The following MAP3K7 variants were observed in gnomAD, a reference collection of about 807,000 sequenced individuals.
The protein encoded by MAP3K7 is mitogen-activated protein kinase kinase kinase 7, also known as TGF-beta activated kinase 1.
A neutral mutation model predicts 84.8 loss-of-function variants in MAP3K7; 21 were observed. The observed-to-expected ratio is 0.25, with a 90% CI of 0.18 to 0.36. The LOEUF is 0.36. Among genes scored for constraint, MAP3K7 ranks in the 10% least tolerant of loss-of-function variants. The probability of loss-of-function intolerance (pLI) is 1.00; values close to 1 mark genes in which losing one functional copy is unlikely to be tolerated. For synonymous variants in MAP3K7, 241 were observed against 247.7 expected (o/e 0.97, Z 0.25); for missense variants, 503 against 747.7 (o/e 0.67, Z 3.82).
chr6:90,566,272 T>C (rs1204619983), intron 3 of MAP3K7, among the ~76,000 whole-genome samples: 2 of 152,160 alleles, frequency 1.3e-5, no homozygotes, highest in Non-Finnish European at 2.9e-5. Context: ...GGAAGTCAAA[T>C]TGTCCGTTTG....
intron 1 of MAP3K7, among the ~76,000 whole-genome samples, chr6:90,580,640 G>GT (rs1187347742): frequency 6.6e-6 from 1 of 152,090 alleles, no homozygotes; most frequent in Non-Finnish European, 1.5e-5. Context: ...TTAAATGACT[G>GT]TTTTTTCCCC....
chr6:90,527,243 G>A (rs1189498501), intron 13 of MAP3K7, among the ~76,000 whole-genome samples: 6 of 151,984 alleles, frequency 3.9e-5, no homozygotes, highest in African/African-American at 1.4e-4. Flanking sequence ...TTCCATGTAT[G>A]AGAAGAGAAT....
intron 13 of MAP3K7, among the ~76,000 whole-genome samples, chr6:90,531,151 C>A (rs1291089112): frequency 6.6e-6 from 1 of 151,994 alleles, no homozygotes; most frequent in Non-Finnish European, 1.5e-5. Flanking sequence ...TAGACATGAA[C>A]CAGAATTGGC....
At chr6:90,552,836 A>C (rs1776223295) in intron 7 of MAP3K7, among the ~76,000 whole-genome samples, 1 of 152,234 alleles carries the variant, frequency 6.6e-6, no homozygotes. Context: ...AGTCAATATG[A>C]CTTAAGATAT....
intron 4 of MAP3K7, among the ~76,000 whole-genome samples, chr6:90,561,353 A>T (rs1776508441): frequency 6.6e-6 from 1 of 152,142 alleles, no homozygotes. Context: ...GATATTTTAA[A>T]ATCTATTTAA....
intron 9 of MAP3K7, 61 bp from the exon 10 acceptor site, chr6:90,548,238 T>A (rs1776068555): frequency 7.0e-7 from 1 of 1,419,220 alleles, no homozygotes; most frequent in East Asian, 2.4e-5. Context: ...CTTCACTTGG[T>A]ATTATGTAAC....
In MAP3K7 at chr6:90,541,558, G is replaced by A. The variant is rs536393122; in HGVS notation, c.1291+2994C>T. The stretch of plus-strand genomic sequence containing the variant: ...ACAGTGGAAAGAAGGAAGGGTTACC[G>A]TACAAAAGTTTGTCAGTTCTTCAGA... On this transcript the variant is annotated intron_variant, in intron 12 of 16. Coordinates refer to ENST00000369329, the MANE Select transcript of MAP3K7 (RefSeq NM_145331.3). 2.8e-4 allele frequency among the ~76,000 whole-genome samples: 42 copies of A among 152,100 alleles called. No individual in the cohort carries two copies. The South Asian group carries it at 7.9e-3, about 28-fold the overall frequency.
chr6:90,538,422 A>G (rs143782687), intron 12 of MAP3K7, among the ~76,000 whole-genome samples: 3 of 152,046 alleles, frequency 2.0e-5, no homozygotes, highest in Non-Finnish European at 2.9e-5. Flanking sequence ...GTACATACCT[A>G]TATTATACAT....
At chr6:90,555,243 T>C (rs1258620179) in intron 6 of MAP3K7, among the ~76,000 whole-genome samples, 1 of 152,186 alleles carries the variant, frequency 6.6e-6, no homozygotes, top group Non-Finnish European at 1.5e-5. Context: ...ATCTTATTTC[T>C]GTCCAATTAC....
chr6:90,532,866 G>A (rs1775552120), intron 13 of MAP3K7, among the ~76,000 whole-genome samples: 1 of 152,156 alleles, frequency 6.6e-6, no homozygotes. Flanking sequence ...CAGACTATTA[G>A]AAGCCAAAAT....
At chr6:90,533,786 A>G (rs1376265255) in intron 13 of MAP3K7, among the ~76,000 whole-genome samples, 1 of 152,216 alleles carries the variant, frequency 6.6e-6, no homozygotes, top group East Asian at 1.9e-4. Flanking sequence ...GCCGTTGAGA[A>G]TAAGGCTAGC....
At chr6:90,578,334 G>A (rs991905674) in intron 1 of MAP3K7, among the ~76,000 whole-genome samples, 4 of 152,064 alleles carry the variant, frequency 2.6e-5, no homozygotes, top group Non-Finnish European at 5.9e-5. Context: ...GTGCAGTGGC[G>A]CGATCTCAGC....
intron 13 of MAP3K7, among the ~76,000 whole-genome samples, chr6:90,532,281 T>G (rs1220542714): frequency 1.3e-5 from 2 of 152,174 alleles, no homozygotes; most frequent in Non-Finnish European, 2.9e-5. Context: ...AAGTGCTATT[T>G]TCTTTTTATT....
At chr6:90,584,220 CT>C (rs1289151739) in intron 1 of MAP3K7, among the ~76,000 whole-genome samples, 1 of 152,018 alleles carries the variant, frequency 6.6e-6, no homozygotes, top group Non-Finnish European at 1.5e-5. Context: ...TACAATTGAA[CT>C]GGAAGTGTAA....
chr6:90,566,372 T>C (rs1776705194), intron 3 of MAP3K7, among the ~76,000 whole-genome samples: 1 of 152,222 alleles, frequency 6.6e-6, no homozygotes, highest in Admixed American at 6.5e-5. Flanking sequence ...AGTCTCAGGA[T>C]ACAAAATTAA....
rs1235941346 is a variant in MAP3K7 at position 90,517,330 on chromosome 6, T to A, written c.1641-649A>T. On this transcript the variant is annotated intron_variant, in intron 16 of 16. Coordinates refer to ENST00000369329, the MANE Select transcript of MAP3K7 (RefSeq NM_145331.3). ...ATTAAGTATTCCCGAAAAAGATGCATCTTTAGGCATTTCCTAAAGTGAGGT... is the reference window on the plus strand; with the variant it reads ...ATTAAGTATTCCCGAAAAAGATGCAACTTTAGGCATTTCCTAAAGTGAGGT... Among the ~76,000 whole-genome samples the A allele has an allele frequency of 3.3e-5, 5 of 151,860 alleles. No individual in the cohort carries two copies. The East Asian group carries it at 9.6e-4, about 29-fold the overall frequency.
At chr6:90,519,623 C>A (rs1469633454) in intron 14 of MAP3K7, among the ~76,000 whole-genome samples, 1 of 151,782 alleles carries the variant, frequency 6.6e-6, no homozygotes, top group Non-Finnish European at 1.5e-5. Context: ...AGTGATGAGA[C>A]CTTTATATTT....
At chr6:90,566,815 C>T (rs1284910360) in intron 3 of MAP3K7, among the ~76,000 whole-genome samples, 2 of 152,114 alleles carry the variant, frequency 1.3e-5, no homozygotes, top group African/African-American at 4.8e-5. Context: ...TCAAACTATA[C>T]TACAAGGCTA....
At chr6:90,586,024 T>G (rs1777436157) in intron 1 of MAP3K7, among the ~76,000 whole-genome samples, 1 of 152,216 alleles carries the variant, frequency 6.6e-6, no homozygotes, top group Admixed American at 6.5e-5. Flanking sequence ...GAGCATCCCC[T>G]ACATGCCAGG....
Sources: allele counts gnomAD v4.1 joint callset (sites outside exome capture counted in the v4.1 genomes callset), GRCh38; gene constraint gnomAD v4.1.1; transcripts MANE v1.5; gene names NCBI Gene and HGNC (gene_info 2026-07-23, HGNC 2026-07-21).